The following RBM28 variants were observed in gnomAD, a reference collection of about 807,000 sequenced individuals.
RBM28 encodes the protein RNA-binding protein 28.
RBM28 carries 78 observed loss-of-function variants against 98.3 expected under a neutral mutation model. That is an observed-to-expected ratio of 0.79 (90% CI 0.66 to 0.96). The LOEUF (loss-of-function observed/expected upper bound fraction) is 0.96. Among genes scored for constraint, RBM28 ranks in the 40% least tolerant of loss-of-function variants. The pLI, the probability that RBM28 is intolerant of heterozygous loss-of-function variation, is 0.00. For synonymous variants in RBM28, 306 were observed against 330.9 expected, an observed-to-expected ratio of 0.92 and a Z score of 0.82; for missense variants, 838 against 913.0, an observed-to-expected ratio of 0.92 and a Z score of 1.06.
intron 17 of RBM28, 88 bp downstream of exon 17, chr7:128,314,675 CA>C: frequency 6.3e-7 from 1 of 1,593,542 alleles, no homozygotes; most frequent in African/African-American, 1.3e-5. Context: ...TTCAACCAAA[CA>C]AATGCCACAA....
chr7:128,332,978 A>T lies in RBM28; in HGVS notation c.1019+312T>A, dbSNP rs1584657111. Among the ~76,000 whole-genome samples, 2 of 152,244 alleles carry T rather than the reference A, an allele frequency of 1.3e-5. 1 individual carries two copies. Among genetic ancestry groups the T allele is most frequent in the Non-Finnish European group, 2.9e-5 (2 of 68,040 alleles). On this transcript the variant is annotated intron_variant, in intron 9 of 18. Transcript: ENST00000223073. ...GAGACAAGCAGTGTCAATCCTCTCC[A>T]GCACTCCCCCTAAAACAAAGGCCGG...
At chr7:128,341,608 T>C (rs923249204) in intron 1 of RBM28, among the ~76,000 whole-genome samples, 6 of 152,178 alleles carry the variant, frequency 3.9e-5, no homozygotes, top group South Asian at 4.1e-4. Context: ...GGAAAGTGCA[T>C]AGTTTTTTAA....
At chr7:128,312,684 C>T (rs1042044352) in intron 18 of RBM28, among the ~76,000 whole-genome samples, 2 of 151,976 alleles carry the variant, frequency 1.3e-5, no homozygotes, top group Non-Finnish European at 2.9e-5. Flanking sequence ...CTCATACTAA[C>T]CAAGTATAAA....
intron 14 of RBM28, among the ~76,000 whole-genome samples, chr7:128,320,215 CA>C (rs1164059031): frequency 1.8e-4 from 9 of 51,142 alleles, no homozygotes; most frequent in African/African-American, 9.0e-4. Flanking sequence ...GACTCCGTCT[CA>C]AAAAAAAAAA....
At chr7:128,336,709 CT>C (rs2116384954) in intron 6 of RBM28, among the ~76,000 whole-genome samples, 1 of 152,340 alleles carries the variant, frequency 6.6e-6, no homozygotes, top group South Asian at 2.1e-4. Context: ...CAGTCTCATT[CT>C]TTTGGTTAAT....
At chr7:128,325,151 C>T (rs1796321189) in intron 11 of RBM28, among the ~76,000 whole-genome samples, 2 of 152,218 alleles carry the variant, frequency 1.3e-5, no homozygotes, top group African/African-American at 2.4e-5. Flanking sequence ...AGCCCTACGA[C>T]GTTTCAGCTC....
intron 1 of RBM28, 28 bp from the exon 2 acceptor site, chr7:128,339,819 GA>G (rs1796685485): frequency 6.2e-7 from 1 of 1,608,410 alleles, no homozygotes; most frequent in Non-Finnish European, 8.5e-7. Flanking sequence ...GGAGGGAGTG[GA>G]GGGGCAGTGT....
At chr7:128,319,014 T>C (rs1796165771) in intron 14 of RBM28, among the ~76,000 whole-genome samples, 1 of 152,238 alleles carries the variant, frequency 6.6e-6, no homozygotes, top group African/African-American at 2.4e-5. Context: ...TAGTGTGGTT[T>C]TCCCTTAAAT....
At chr7:128,313,299 C>T in intron 17 of RBM28, 25 bp from the exon 18 acceptor site, 2 of 1,597,294 alleles carry the variant, frequency 1.3e-6, no homozygotes, top group Non-Finnish European at 1.7e-6. Context: ...CTGAGTGTCA[C>T]CTTGAGTCCT....
rs954595963 is a variant in RBM28 at position 128,313,202 on chromosome 7, C to T, written c.2118G>A (p.Gln706=). 5.6e-6 allele frequency: 9 copies of T among 1,614,068 alleles called. No individual in the cohort carries two copies. The African/African-American group carries it at 9.3e-5, about 17-fold the overall frequency. ...KPKPQINQWK[Q]EKQQLSSEQV... ...GCTCGGACGATAATTGCTGCTTCTC[C>T]TGCTTCCACTGGTTTATCTGTGGCT... The change falls in exon 18 of 19, where the codon CAG becomes CAA. Residue 706 remains glutamine (Q), a synonymous_variant. Coordinates refer to ENST00000223073, the MANE Select transcript of RBM28 (RefSeq NM_018077.3).
In RBM28 at chr7:128,338,724, A is replaced by G. The variant is rs770131037; in HGVS notation, c.448+2T>C. ...CCACACCAAGTGAAGGTTTATTAGT[A>G]CCTGGTTTCCTAGGGATATTTACTT... On this transcript the variant is annotated splice_donor_variant, in intron 4 of 18. Transcript: ENST00000223073. LOFTEE classifies it high-confidence loss of function. The G allele has an allele frequency of 1.3e-6, 2 of 1,576,654 alleles. No homozygotes were observed. Among genetic ancestry groups the G allele is most frequent in the Non-Finnish European group, 1.7e-6 (2 of 1,145,862 alleles).
intron 9 of RBM28, 69 bp from the exon 10 acceptor site, chr7:128,330,997 A>G: frequency 9.5e-7 from 1 of 1,052,966 alleles, no homozygotes; most frequent in South Asian, 1.3e-5. Context: ...TTCCAGGACA[A>G]TGTAAGTGAG....
chr7:128,312,806 G>A (rs992942607), intron 18 of RBM28, among the ~76,000 whole-genome samples: 4 of 152,182 alleles, frequency 2.6e-5, no homozygotes, highest in Non-Finnish European at 4.4e-5. Flanking sequence ...GGCATAAGGT[G>A]TGTGTGTTTA....
rs1796644027 is a variant in RBM28, at chr7:128,338,238, T to C, written c.541+12A>G. ...AATATCTGGGTCAATGATATGGGTA[T>C]AGAAAGCTTACCTTTTATCTCTTTC... On this transcript the variant is annotated intron_variant, in intron 5 of 18. Transcript: ENST00000223073. The C allele has an allele frequency of 1.9e-6, 3 of 1,603,576 alleles. No homozygotes were observed. The highest frequency in any genetic ancestry group is 2.7e-5 in the African/African-American group (2 of 74,728).
chr7:128,315,089 G>C (rs1796079417), intron 16 of RBM28, 69 bp from the exon 17 acceptor site: 1 of 1,594,720 alleles, frequency 6.3e-7, no homozygotes, highest in African/African-American at 1.3e-5. Context: ...CTCAGCAGAA[G>C]ATGAGCTTTA....
Position 128,343,820 on chromosome 7 carries a change from G to T in RBM28, c.-27C>A. 6.5e-7 allele frequency: 1 copy of T among 1,534,556 alleles called. No individual in the cohort carries two copies. The highest frequency in any genetic ancestry group is 2.5e-5 in the East Asian group (1 of 40,728). On this transcript the variant is annotated 5_prime_UTR_variant, in exon 1 of 19. Transcript: ENST00000223073. ...AGACCGGGAAACCCAAAGCGCGTGA[G>T]GACGCGAGCAAACTAGGCCGGCGCA...
intron 3 of RBM28, 99 bp from the exon 4 acceptor site, chr7:128,338,900 G>A: frequency 2.2e-6 from 2 of 925,078 alleles, no homozygotes; most frequent in Non-Finnish European, 3.5e-6. Context: ...AAACATGAAT[G>A]TTTACTTTTT....
rs1165950529 is a variant in RBM28 at position 128,306,298 on chromosome 7, G to C, written c.*4499C>G. ...AGACTGTCCAGATTGGAATGGACAA[G>C]GCATAGCAGAAAGTACGGTGGTACA... is the stretch of plus-strand genomic sequence containing the variant. On this transcript the variant is annotated 3_prime_UTR_variant, in exon 19 of 19. Transcript: ENST00000223073. 6.6e-6 allele frequency: 1 copy of C among 152,240 alleles called. No homozygotes were observed. Among genetic ancestry groups the C allele is most frequent in the Non-Finnish European group, 1.5e-5 (1 of 68,048 alleles). The allele number at this position is 152,240 out of a possible 1,614,324, so 9.4% of individuals were successfully genotyped here. A position where few individuals can be genotyped will look rare whatever the true frequency, so the allele number is the denominator to read the frequency against.
At position 128,304,345 on chromosome 7, in the gene RBM28, A is replaced by C. The variant is rs1283227435; in HGVS notation, c.*6452T>G. 1 of 152,234 alleles carries C rather than the reference A, an allele frequency of 6.6e-6. No individual in the cohort carries two copies. Among genetic ancestry groups the C allele is most frequent in the African/African-American group, 2.4e-5 (1 of 41,462 alleles). The allele number at this position is 152,234 out of a possible 1,614,324, so 9.4% of individuals were successfully genotyped here. A position where few individuals can be genotyped will look rare whatever the true frequency, so the allele number is the denominator to read the frequency against. ...TTGTTACTATCTGATTCAACAAAGC[A>C]GTCACTCATTTCATGGAATGGATAT... On this transcript the variant is annotated 3_prime_UTR_variant, in exon 19 of 19. Coordinates refer to ENST00000223073, the MANE Select transcript of RBM28 (RefSeq NM_018077.3).
Sources: gnomAD v4.1 joint callset for allele counts (sites outside exome capture counted in the v4.1 genomes callset) on GRCh38, gnomAD v4.1.1 for gene constraint, MANE v1.5 for transcripts, NCBI Gene and HGNC (gene_info 2026-07-23, HGNC 2026-07-21) for gene names.